Variants in C12orf42 observed in about 807,000 individuals in gnomAD.
C12orf42 encodes the protein uncharacterized protein C12orf42.
C12orf42 carries 25 observed loss-of-function variants against 21.6 expected under a neutral mutation model. The ratio of observed to expected loss-of-function variants is 1.16; its 90% CI spans 0.84 to 1.62. C12orf42 has a LOEUF of 1.62. Among genes scored for constraint, C12orf42 ranks in the 40% most tolerant of loss-of-function variants. The pLI, the probability that C12orf42 is intolerant of heterozygous loss-of-function variation, is 0.00. For synonymous variants in C12orf42, 174 were observed against 175.0 expected (o/e 0.99, Z 0.05); for missense variants, 483 against 459.3 (o/e 1.05, Z -0.47).
At chr12:103,360,824 C>T (rs962953239) in intron 4 of C12orf42, among the ~76,000 whole-genome samples, 1 of 151,890 alleles carries the variant, frequency 6.6e-6, no homozygotes, top group Admixed American at 6.6e-5. Flanking sequence ...TTTATTGGGC[C>T]CTTTGGGGGA....
the C12orf42 span, among the ~76,000 whole-genome samples, chr12:103,131,508 C>T: frequency 4.6e-5 from 7 of 152,158 alleles, no homozygotes; most frequent in Non-Finnish European, 5.9e-5. Context: ...TTCCCTTTGA[C>T]GGTTTTAATA....
the C12orf42 span, chr12:103,163,077 T>C: frequency 1.3e-5 from 2 of 152,330 alleles, no homozygotes; most frequent in East Asian, 3.9e-4. Flanking sequence ...TTAACATCAA[T>C]TGCCCAACTT....
chr12:103,434,658 G>A (rs373893154), intron 2 of C12orf42, among the ~76,000 whole-genome samples: 47 of 152,182 alleles, frequency 3.1e-4, no homozygotes, highest in African/African-American at 1.1e-3. Context: ...CTGGAAAATC[G>A]GGTCACTCCC....
chr12:103,552,517 G>T, the C12orf42 span, among the ~76,000 whole-genome samples: 6 of 152,182 alleles, frequency 3.9e-5, no homozygotes, highest in Non-Finnish European at 8.8e-5. Flanking sequence ...AGAGAAGTGA[G>T]TACTTGCTAC....
chr12:103,390,502 C>T (rs377139587), intron 3 of C12orf42, among the ~76,000 whole-genome samples: 1 of 152,206 alleles, frequency 6.6e-6, no homozygotes, highest in East Asian at 1.9e-4. Context: ...TCTACTTCCT[C>T]TCTTTATGAA....
chr12:103,066,725 C>T, the C12orf42 span, among the ~76,000 whole-genome samples: 2 of 152,182 alleles, frequency 1.3e-5, no homozygotes, highest in Non-Finnish European at 2.9e-5. Context: ...TTGAAAGAAG[C>T]ATGATTGGAA....
chr12:103,143,670 T>A, the C12orf42 span, among the ~76,000 whole-genome samples: 5 of 152,262 alleles, frequency 3.3e-5, no homozygotes, highest in Non-Finnish European at 5.9e-5. Context: ...GCTGCATAGT[T>A]CTAAGAAGTG....
At chr12:103,051,756 T>C in the C12orf42 span, among the ~76,000 whole-genome samples, 4 of 152,190 alleles carry the variant, frequency 2.6e-5, no homozygotes, top group Admixed American at 2.6e-4. Context: ...TCCATCAGTC[T>C]GCTTCCTACT....
At chr12:103,412,570 G>C (rs964990720) in intron 2 of C12orf42, among the ~76,000 whole-genome samples, 2 of 152,168 alleles carry the variant, frequency 1.3e-5, no homozygotes, top group Non-Finnish European at 2.9e-5. Flanking sequence ...TCAAGAAGCT[G>C]AGGCAGGAGA....
At chr12:103,253,968 C>T (rs969711575) in intron 10 of C12orf42, among the ~76,000 whole-genome samples, 3 of 152,064 alleles carry the variant, frequency 2.0e-5, no homozygotes, top group African/African-American at 7.2e-5. Flanking sequence ...TGTGCAGAAG[C>T]TCTTTAGTTT....
chr12:103,270,584 T>A (rs899135063), intron 5 of C12orf42, among the ~76,000 whole-genome samples: 15 of 147,794 alleles, frequency 1.0e-4, no homozygotes, highest in Non-Finnish European at 1.2e-4. Flanking sequence ...TTATTTATTT[T>A]ATTATTATTA....
the C12orf42 span, among the ~76,000 whole-genome samples, chr12:103,191,034 T>A: frequency 6.6e-6 from 1 of 152,186 alleles, no homozygotes; most frequent in East Asian, 1.9e-4. Context: ...TTACATATAC[T>A]GGAGTCTTCA....
rs1489499388 is a variant in C12orf42 at position 103,487,009 on chromosome 12, A to C, written c.-21-8562T>G. ...CTTGCCTTCTGCTAGCTTTTAATTT[A>C]TTTGCTCTTGCTTTTCTAGTTCTTT... On this transcript the variant is annotated intron_variant, in intron 1 of 5. Transcript: ENST00000548883. 2.0e-5 allele frequency among the ~76,000 whole-genome samples: 3 copies of C among 151,738 alleles called. No homozygotes were observed. The East Asian group carries it at 5.8e-4, about 29-fold the overall frequency.
At chr12:103,560,967 A>G in the C12orf42 span, among the ~76,000 whole-genome samples, 1 of 152,152 alleles carries the variant, frequency 6.6e-6, no homozygotes, top group Non-Finnish European at 1.5e-5. Flanking sequence ...TTCAATCCAC[A>G]TCAAATCTGG....
the C12orf42 span, among the ~76,000 whole-genome samples, chr12:103,177,540 C>T: frequency 6.6e-6 from 1 of 152,122 alleles, no homozygotes; most frequent in Non-Finnish European, 1.5e-5. Context: ...AAAAGCCGTT[C>T]TATATGGGGG....
intron 4 of C12orf42, among the ~76,000 whole-genome samples, chr12:103,339,188 T>C (rs1348266720): frequency 6.6e-6 from 1 of 152,224 alleles, no homozygotes; most frequent in Admixed American, 6.5e-5. Context: ...CATATATTAT[T>C]AGCTAAGTTC....
the C12orf42 span, among the ~76,000 whole-genome samples, chr12:103,128,343 C>A: frequency 1.3e-5 from 2 of 152,172 alleles, no homozygotes; most frequent in African/African-American, 4.8e-5. Flanking sequence ...TCCTGCCCTG[C>A]ACCTGGCTCA....
chr12:103,308,863 G>T (rs1370213572), intron 4 of C12orf42, among the ~76,000 whole-genome samples: 1 of 152,164 alleles, frequency 6.6e-6, no homozygotes, highest in African/African-American at 2.4e-5. Flanking sequence ...AAAGAAAACA[G>T]AGATACAAAC....
At chr12:103,156,047 A>G in the C12orf42 span, 1 of 151,870 alleles carries the variant, frequency 6.6e-6, no homozygotes, top group South Asian at 2.1e-4. Flanking sequence ...AATAGCAATA[A>G]TTTTATTAAG....
Sources: gnomAD v4.1 joint callset for allele counts (sites outside exome capture counted in the v4.1 genomes callset) on GRCh38, gnomAD v4.1.1 for gene constraint, MANE v1.5 for transcripts, NCBI Gene and HGNC (gene_info 2026-07-23, HGNC 2026-07-21) for gene names.